Variants in DCLK1 observed in about 807,000 individuals in gnomAD.
DCLK1 encodes the protein serine/threonine-protein kinase DCLK1.
Under a neutral mutation model 86.2 loss-of-function variants are expected in DCLK1, and 16 were observed. The observed-to-expected ratio is 0.19, with a 90% CI of 0.13 to 0.28. The LOEUF is 0.28. Among genes scored for constraint, DCLK1 ranks in the 10% least tolerant of loss-of-function variants. DCLK1 has a pLI of 1.00. For missense variants in DCLK1, 590 were observed against 940.2 expected (o/e 0.63, Z 4.87); for synonymous variants, 369 against 370.5 (o/e 1.00, Z 0.05).
At chr13:36,079,887 A>G (rs932756775) in intron 3 of DCLK1, among the ~76,000 whole-genome samples, 1 of 152,150 alleles carries the variant, frequency 6.6e-6, no homozygotes, top group African/African-American at 2.4e-5. Flanking sequence ...ATGCTTGGGG[A>G]GCCAAATATG....
intron 3 of DCLK1, among the ~76,000 whole-genome samples, chr13:36,024,931 T>C (rs1340508508): frequency 6.6e-6 from 1 of 151,728 alleles, no homozygotes; most frequent in Non-Finnish European, 1.5e-5. Context: ...AATAAACCTA[T>C]ACATTTATGG....
At chr13:35,881,698 T>G (rs1476653507) in intron 4 of DCLK1, among the ~76,000 whole-genome samples, 1 of 152,098 alleles carries the variant, frequency 6.6e-6, no homozygotes, top group Non-Finnish European at 1.5e-5. Flanking sequence ...TGTGACACCT[T>G]GGAGAGTGCC....
In DCLK1 at chr13:35,969,350, G is replaced by A. The variant is rs569457912; in HGVS notation, c.724-21893C>T. 1.6e-3 allele frequency among the ~76,000 whole-genome samples: 245 copies of A among 152,260 alleles called. 1 individual carries two copies. Among genetic ancestry groups the A allele is most frequent in the Non-Finnish European group, 2.9e-3 (196 of 68,026 alleles). ...AATCCAGTGACAAATGTCCTTATAA[G>A]AGACAGAAGAGAAGATAGAGAGGAG... On this transcript the variant is annotated intron_variant, in intron 3 of 16. Transcript: ENST00000360631.
At chr13:35,893,794 A>G (rs1873786104) in intron 4 of DCLK1, among the ~76,000 whole-genome samples, 1 of 152,154 alleles carries the variant, frequency 6.6e-6, no homozygotes, top group Non-Finnish European at 1.5e-5. Flanking sequence ...TTCCTGTATT[A>G]ATGGTGTATC....
intron 16 of DCLK1, chr13:35,788,422 T>C: frequency 2.6e-6 from 2 of 766,618 alleles, no homozygotes; most frequent in South Asian, 1.8e-5. Flanking sequence ...CTAGCTAATA[T>C]CCTAAGTCTG....
chr13:35,813,254 T>G (rs967727634), intron 11 of DCLK1, among the ~76,000 whole-genome samples: 1 of 152,198 alleles, frequency 6.6e-6, no homozygotes, highest in Non-Finnish European at 1.5e-5. Context: ...CTTTGTGAGG[T>G]GATGCAGATT....
chr13:36,023,901 C>CTTTTTTT lies in DCLK1; in HGVS notation c.724-76451_724-76445dup, dbSNP rs59071937. 6.2e-5 allele frequency among the ~76,000 whole-genome samples: 8 copies of CTTTTTTT among 128,520 alleles called. 1 individual carries two copies. The highest frequency in any genetic ancestry group is 8.4e-5 in the Admixed American group (1 of 11,870). The allele number at this position is 128,520 out of a possible 152,430, so 84.3% of individuals were successfully genotyped here. On this transcript the variant is annotated intron_variant, in intron 3 of 16. Coordinates refer to ENST00000360631, the MANE Select transcript of DCLK1 (RefSeq NM_001330071.2). Reference sequence around the variant, plus strand: ...GCTCTCCTCATTTCTTTCTTTCTTTCTTTTTTTTTTTTTTTTGGAGACAGT... The same window carrying CTTTTTTT: ...GCTCTCCTCATTTCTTTCTTTCTTTCTTTTTTTTTTTTTTTTTTTTTTTGGAGACAGT...
chr13:36,008,569 C>T (rs12560689), intron 3 of DCLK1, among the ~76,000 whole-genome samples: 26,273 of 122,146 alleles, frequency 0.22, 2,774 homozygotes, highest in Non-Finnish European at 0.28. Flanking sequence ...TTTTTTATGG[C>T]TGCGTAGTAT....
At chr13:36,119,423 C>T (rs1188282176) in intron 2 of DCLK1, among the ~76,000 whole-genome samples, 2 of 152,166 alleles carry the variant, frequency 1.3e-5, no homozygotes, top group Non-Finnish European at 2.9e-5. Context: ...TGCCAAAATT[C>T]ATGGGCAAAA....
intron 3 of DCLK1, among the ~76,000 whole-genome samples, chr13:35,951,902 C>G (rs754094956): frequency 1.6e-4 from 25 of 152,142 alleles, no homozygotes; most frequent in Non-Finnish European, 3.1e-4. Context: ...AAGGCAGTGT[C>G]TCGCGTTAGG....
intron 3 of DCLK1, among the ~76,000 whole-genome samples, chr13:36,037,418 G>T (rs991217380): frequency 1.3e-5 from 2 of 152,000 alleles, no homozygotes; most frequent in Non-Finnish European, 2.9e-5. Flanking sequence ...ATAAAGAAAA[G>T]ATATATATTT....
Position 36,023,980 on chromosome 13 carries a change from C to G in DCLK1, c.724-76523G>C, listed in dbSNP as rs555323777. ...GTGGGATCTCAGCTCACTGCAACCT[C>G]CGCCTTCTGGTTTCAAGTGGTTCTC... On this transcript the variant is annotated intron_variant, in intron 3 of 16. Transcript: ENST00000360631. Among the ~76,000 whole-genome samples the G allele has an allele frequency of 2.2e-4, 33 of 151,040 alleles. No individual in the cohort carries two copies. The South Asian group carries it at 2.7e-3, about 13-fold the overall frequency.
intron 3 of DCLK1, among the ~76,000 whole-genome samples, chr13:35,984,412 C>T (rs530396538): frequency 1.3e-5 from 2 of 152,160 alleles, no homozygotes; most frequent in South Asian, 4.1e-4. Flanking sequence ...TGGGCAGAGC[C>T]CAGAGGAGAA....
chr13:35,833,079 T>C (rs1022383221), intron 8 of DCLK1, among the ~76,000 whole-genome samples: 23 of 152,316 alleles, frequency 1.5e-4, no homozygotes, highest in African/African-American at 5.3e-4. Flanking sequence ...CTGCTTGTGT[T>C]CATTGCTAGA....
intron 3 of DCLK1, among the ~76,000 whole-genome samples, chr13:35,997,411 C>A (rs1880521955): frequency 6.6e-6 from 1 of 152,176 alleles, no homozygotes; most frequent in Non-Finnish European, 1.5e-5. Context: ...GCTTTGGAGG[C>A]AAAGAACATT....
chr13:36,044,896 T>C (rs1882822363), intron 3 of DCLK1, among the ~76,000 whole-genome samples: 1 of 152,098 alleles, frequency 6.6e-6, no homozygotes. Context: ...GGAACAGGAC[T>C]TTCAAGGAAA....
intron 5 of DCLK1, among the ~76,000 whole-genome samples, chr13:35,866,908 T>A (rs1396396996): frequency 1.3e-5 from 2 of 152,144 alleles, no homozygotes; most frequent in African/African-American, 4.8e-5. Context: ...GAGCTATAGT[T>A]GAGTAGGGAC....
intron 3 of DCLK1, among the ~76,000 whole-genome samples, chr13:36,053,635 A>G (rs1376536690): frequency 6.6e-6 from 1 of 151,374 alleles, no homozygotes; most frequent in African/African-American, 2.4e-5. Flanking sequence ...CGATATATAT[A>G]TATATAAATT....
chr13:35,895,753 AC>A, intron 4 of DCLK1, among the ~76,000 whole-genome samples: 1 of 151,852 alleles, frequency 6.6e-6, no homozygotes, highest in South Asian at 2.1e-4. Flanking sequence ...GCAAAAAAAA[AC>A]AAAACAAAAC....
Sources: gnomAD v4.1 joint callset for allele counts (sites outside exome capture counted in the v4.1 genomes callset) on GRCh38, gnomAD v4.1.1 for gene constraint, MANE v1.5 for transcripts, NCBI Gene and HGNC (gene_info 2026-07-23, HGNC 2026-07-21) for gene names.